Variants in NCAM2 observed in about 807,000 individuals in gnomAD.
The protein encoded by NCAM2 is N-CAM-2.
NCAM2 carries 30 observed loss-of-function variants against 98.1 expected under a neutral mutation model. The ratio of observed to expected loss-of-function variants is 0.31; its 90% CI spans 0.23 to 0.41. The LOEUF (loss-of-function observed/expected upper bound fraction) is 0.41. NCAM2 is among the 10% of genes least tolerant of loss of function. The pLI, the probability that NCAM2 is intolerant of heterozygous loss-of-function variation, is 1.00. For synonymous variants in NCAM2, 368 were observed against 342.4 expected, an observed-to-expected ratio of 1.07 and a Z score of -0.83; for missense variants, 867 against 1,005.8, an observed-to-expected ratio of 0.86 and a Z score of 1.87.
intron 1 of NCAM2, among the ~76,000 whole-genome samples, chr21:21,021,852 TC>T (rs1362345469): frequency 6.6e-6 from 1 of 152,158 alleles, no homozygotes; most frequent in African/African-American, 2.4e-5. Flanking sequence ...GTTAATCTCG[TC>T]CTCTAAATTT....
chr21:21,288,610 G>A (rs2073184641), intron 4 of NCAM2, among the ~76,000 whole-genome samples: 1 of 151,520 alleles, frequency 6.6e-6, no homozygotes, highest in African/African-American at 2.4e-5. Flanking sequence ...AAATAGTGTA[G>A]AAACTTATCA....
chr21:21,516,271 A>G (rs1320571540), intron 16 of NCAM2, among the ~76,000 whole-genome samples: 1 of 152,182 alleles, frequency 6.6e-6, no homozygotes, highest in African/African-American at 2.4e-5. Flanking sequence ...TTGCACAGGC[A>G]TTTCATAACA....
At chr21:21,446,833 A>G (rs575962516) in intron 12 of NCAM2, among the ~76,000 whole-genome samples, 8 of 152,094 alleles carry the variant, frequency 5.3e-5, no homozygotes, top group Non-Finnish European at 7.4e-5. Flanking sequence ...GCCTAGGAAT[A>G]TAGCTAACAA....
chr21:21,213,900 G>T (rs2069761151), intron 1 of NCAM2, among the ~76,000 whole-genome samples: 1 of 152,012 alleles, frequency 6.6e-6, no homozygotes, highest in Admixed American at 6.6e-5. Flanking sequence ...TGCAATCATA[G>T]ACCTTTTGAT....
intron 12 of NCAM2, among the ~76,000 whole-genome samples, chr21:21,453,919 A>C (rs1355759272): frequency 6.6e-6 from 1 of 151,978 alleles, no homozygotes; most frequent in Non-Finnish European, 1.5e-5. Flanking sequence ...TGGTGTTTTT[A>C]TTCTTGAAAT....
intron 15 of NCAM2, among the ~76,000 whole-genome samples, chr21:21,494,908 T>A (rs886341461): frequency 1.5e-3 from 1 of 654 alleles, no homozygotes; most frequent in African/African-American, 1.6e-3. Flanking sequence ...TTTTAGCCAA[T>A]TTTTTTCAAA....
chr21:21,195,762 C>T (rs1167323501), intron 1 of NCAM2, among the ~76,000 whole-genome samples: 1 of 152,130 alleles, frequency 6.6e-6, no homozygotes, highest in Non-Finnish European at 1.5e-5. Context: ...GACATGATTG[C>T]TGTAGCTGTA....
chr21:21,519,743 A>G (rs1225288413), intron 16 of NCAM2, among the ~76,000 whole-genome samples: 1 of 152,128 alleles, frequency 6.6e-6, no homozygotes, highest in Non-Finnish European at 1.5e-5. Flanking sequence ...TCAAAAATGT[A>G]GTGTTCAAGT....
rs866015796 is a variant in NCAM2 at position 21,368,120 on chromosome 21, G to A, written c.1045-5743G>A. Among the ~76,000 whole-genome samples the A allele has an allele frequency of 6.8e-4, 103 of 151,400 alleles. 1 individual carries two copies. Among genetic ancestry groups the A allele is most frequent in the Middle Eastern group, 3.4e-3 (1 of 294 alleles). On this transcript the variant is annotated intron_variant, in intron 8 of 17. Coordinates refer to ENST00000400546, the MANE Select transcript of NCAM2 (RefSeq NM_004540.5). ...TTTTAAAGTATTGAATATGAAATAC[G>A]GAATAGACTTTATACATGTATTAAA...
At chr21:21,078,740 G>T (rs1216525386) in intron 1 of NCAM2, among the ~76,000 whole-genome samples, 1 of 152,138 alleles carries the variant, frequency 6.6e-6, no homozygotes, top group Non-Finnish European at 1.5e-5. Flanking sequence ...GCACATGTAT[G>T]TTTATTGCAG....
chr21:21,451,851 C>T (rs1427195781), intron 12 of NCAM2, among the ~76,000 whole-genome samples: 1 of 152,082 alleles, frequency 6.6e-6, no homozygotes, highest in Non-Finnish European at 1.5e-5. Flanking sequence ...CACAGAAACA[C>T]ATAGCAAAAA....
chr21:21,455,210 C>CAA (rs5842926), intron 12 of NCAM2, among the ~76,000 whole-genome samples: 11,401 of 95,214 alleles, frequency 0.12, 850 homozygotes, highest in Non-Finnish European at 0.17. Context: ...AACCTATTGG[C>CAA]AAAAAAAAAA....
intron 11 of NCAM2, among the ~76,000 whole-genome samples, chr21:21,428,959 C>T (rs1424643851): frequency 3.3e-5 from 5 of 151,954 alleles, no homozygotes; most frequent in South Asian, 2.1e-4. Flanking sequence ...TACATGTGTG[C>T]GAATGTGTGT....
intron 1 of NCAM2, among the ~76,000 whole-genome samples, chr21:21,019,812 C>T (rs1009189900): frequency 2.0e-5 from 3 of 152,104 alleles, no homozygotes; most frequent in Admixed American, 6.5e-5. Context: ...TCGCATACTT[C>T]GCTAAGTGCC....
intron 8 of NCAM2, among the ~76,000 whole-genome samples, chr21:21,346,256 A>C (rs183502078): frequency 6.6e-6 from 1 of 152,008 alleles, no homozygotes; most frequent in East Asian, 1.9e-4. Context: ...CAAACAAAAT[A>C]GATTTCAAAA....
chr21:21,279,418 G>A (rs943374459), intron 1 of NCAM2, among the ~76,000 whole-genome samples: 3 of 152,164 alleles, frequency 2.0e-5, no homozygotes, highest in South Asian at 2.1e-4. Flanking sequence ...GATTGCAGTC[G>A]TGCGATCTCG....
intron 15 of NCAM2, among the ~76,000 whole-genome samples, chr21:21,493,416 A>G (rs986180840): frequency 6.6e-6 from 1 of 151,906 alleles, no homozygotes; most frequent in Non-Finnish European, 1.5e-5. Flanking sequence ...TTTTAGATTT[A>G]CACCAAGATT....
At position 21,539,552 on chromosome 21, in the gene NCAM2, C is replaced by G. The variant is rs560182940; in HGVS notation, c.*1595C>G. On this transcript the variant is annotated 3_prime_UTR_variant, in exon 18 of 18. Coordinates refer to ENST00000400546, the MANE Select transcript of NCAM2 (RefSeq NM_004540.5). ...CATGAATATTTTTATTTACAAAGTG[C>G]TTGAAACTCAGCCAAGGAGAGAAAA... 3.9e-5 allele frequency: 6 copies of G among 152,242 alleles called. No individual in the cohort carries two copies. The highest frequency in any genetic ancestry group is 1.4e-4 in the African/African-American group (6 of 41,548). 9.4% of individuals were successfully genotyped at this position (152,242 alleles called of 1,614,324 possible).
Position 21,418,582 on chromosome 21 carries a change from C to G in NCAM2, c.1480+13C>G. 1 of 1,552,374 alleles carries G rather than the reference C, an allele frequency of 6.4e-7. No individual in the cohort carries two copies. The highest frequency in any genetic ancestry group is 8.9e-7 in the Non-Finnish European group (1 of 1,125,082). On this transcript the variant is annotated intron_variant, in intron 11 of 17. Transcript: ENST00000400546. Reference sequence around the variant, plus strand: ...CTTGCTTTGGCTGGTAAGTATAGCACAATAATTTTTGAGATCGCACACAAT... The same window carrying G: ...CTTGCTTTGGCTGGTAAGTATAGCAGAATAATTTTTGAGATCGCACACAAT...
Sources: allele counts gnomAD v4.1 joint callset (sites outside exome capture counted in the v4.1 genomes callset), GRCh38; gene constraint gnomAD v4.1.1; transcripts MANE v1.5; gene names NCBI Gene and HGNC (gene_info 2026-07-23, HGNC 2026-07-21).